Variants in LDLRAD4 observed in about 807,000 individuals in gnomAD.
LDLRAD4 encodes low density lipoprotein receptor class A domain containing 4.
A neutral mutation model predicts 17.0 loss-of-function variants in LDLRAD4; 5 were observed. The ratio of observed to expected loss-of-function variants is 0.29; its 90% CI spans 0.15 to 0.62. The LOEUF is 0.62. Among genes scored for constraint, LDLRAD4 ranks in the 20% least tolerant of loss-of-function variants. The pLI is 0.84. For synonymous variants in LDLRAD4, 168 were observed against 171.8 expected (o/e 0.98, Z 0.17); for missense variants, 340 against 424.7 (o/e 0.80, Z 1.75).
At chr18:13,365,863 T>C (rs1276886242) in intron 1 of LDLRAD4, among the ~76,000 whole-genome samples, 1 of 152,172 alleles carries the variant, frequency 6.6e-6, no homozygotes, top group Non-Finnish European at 1.5e-5. Flanking sequence ...AACCTCCGCC[T>C]CCCAGGTTCA....
chr18:13,443,017 GCTTCT>G (rs1277533537), intron 3 of LDLRAD4, among the ~76,000 whole-genome samples: 1 of 152,130 alleles, frequency 6.6e-6, no homozygotes, highest in Admixed American at 6.5e-5. Flanking sequence ...GGAGGAAGCT[GCTTCT>G]CTCTATATAG....
intron 1 of LDLRAD4, among the ~76,000 whole-genome samples, chr18:13,257,491 C>T (rs1848958776): frequency 6.6e-6 from 1 of 152,204 alleles, no homozygotes; most frequent in Non-Finnish European, 1.5e-5. Context: ...GGATGGGTTT[C>T]CCTGACCCAC....
chr18:13,321,216 G>A (rs7237181), intron 1 of LDLRAD4, among the ~76,000 whole-genome samples: 53,736 of 151,904 alleles, frequency 0.35, 10,036 homozygotes, highest in African/African-American at 0.47. Flanking sequence ...CCTACCCGCC[G>A]TCTGCACACT....
In LDLRAD4 at chr18:13,367,821, G is replaced by C. The variant is rs2084173064; in HGVS notation, c.-382-19520G>C. Among the ~76,000 whole-genome samples the C allele has an allele frequency of 6.6e-6, 1 of 151,850 alleles. No individual in the cohort carries two copies. The highest frequency in any genetic ancestry group is 1.5e-5 in the Non-Finnish European group (1 of 67,954). ...TGCTTTCAGGGGATGTACTGAGAGA[G>C]AGGGGACAGTGGGGTGTGGGGGTGT... On this transcript the variant is annotated intron_variant, in intron 1 of 5. Transcript: ENST00000359446. This position sits in a 1 kb window ranked among gnomAD's most constrained non-coding sequence, Gnocchi z 4.1.
At chr18:13,304,628 C>T (rs1257642796) in intron 1 of LDLRAD4, among the ~76,000 whole-genome samples, 2 of 152,222 alleles carry the variant, frequency 1.3e-5, no homozygotes, top group Non-Finnish European at 2.9e-5. Context: ...CACCGACACA[C>T]GCTTCAATCC....
intron 3 of LDLRAD4, among the ~76,000 whole-genome samples, chr18:13,505,187 T>G (rs1320449166): frequency 6.6e-6 from 1 of 152,214 alleles, no homozygotes; most frequent in Admixed American, 6.5e-5. Flanking sequence ...GAAGCCTCAG[T>G]TAGATTCTCC....
chr18:13,248,698 G>A (rs534254926), intron 1 of LDLRAD4, among the ~76,000 whole-genome samples: 21 of 152,236 alleles, frequency 1.4e-4, no homozygotes, highest in African/African-American at 4.1e-4. Context: ...CATATGTGTC[G>A]TGATCAGATC....
chr18:13,569,848 G>A (rs770573036), intron 3 of LDLRAD4, among the ~76,000 whole-genome samples: 5 of 152,298 alleles, frequency 3.3e-5, no homozygotes, highest in African/African-American at 4.8e-5. Flanking sequence ...TCGTGCCACC[G>A]CACTGCAGCC....
intron 3 of LDLRAD4, among the ~76,000 whole-genome samples, chr18:13,558,938 C>T (rs569157361): frequency 5.9e-5 from 8 of 134,986 alleles, no homozygotes; most frequent in African/African-American, 1.9e-4. Context: ...TGCACTAGGG[C>T]AATCACAGAA....
chr18:13,378,138 A>G (rs1568071448), intron 1 of LDLRAD4, among the ~76,000 whole-genome samples: 1 of 152,172 alleles, frequency 6.6e-6, no homozygotes, highest in African/African-American at 2.4e-5. Flanking sequence ...CTGATCGTTC[A>G]TTTCTGTAGG....
At chr18:13,570,638 TGAG>T (rs1015347972) in intron 3 of LDLRAD4, among the ~76,000 whole-genome samples, 7 of 152,290 alleles carry the variant, frequency 4.6e-5, no homozygotes, top group Non-Finnish European at 1.0e-4. Flanking sequence ...GAGAGGGAAA[TGAG>T]GAGTCCCAGT....
At chr18:13,422,604 G>A (rs534434700) in intron 2 of LDLRAD4, among the ~76,000 whole-genome samples, 29 of 152,048 alleles carry the variant, frequency 1.9e-4, no homozygotes, top group Non-Finnish European at 3.2e-4. Flanking sequence ...AGGCTGAGGC[G>A]GGAGGATGGC....
intron 2 of LDLRAD4, among the ~76,000 whole-genome samples, chr18:13,404,620 A>T (rs1275755588): frequency 6.6e-6 from 1 of 152,042 alleles, no homozygotes; most frequent in Admixed American, 6.5e-5. Flanking sequence ...ACATGGTGAA[A>T]CCCCGTCTCT....
chr18:13,596,953 A>C (rs2095103339), intron 3 of LDLRAD4, among the ~76,000 whole-genome samples: 1 of 152,222 alleles, frequency 6.6e-6, no homozygotes, highest in South Asian at 2.1e-4. Context: ...AATTAAGAGA[A>C]GAAGGAAGAA....
intron 2 of LDLRAD4, among the ~76,000 whole-genome samples, chr18:13,430,284 C>T (rs756980877): frequency 2.2e-4 from 34 of 152,320 alleles, no homozygotes; most frequent in South Asian, 4.1e-4. Context: ...TGTCAGTGGG[C>T]GACGTGGAGC....
intron 3 of LDLRAD4, chr18:13,520,518 C>A (rs187331640): frequency 6.6e-6 from 1 of 152,360 alleles, no homozygotes; most frequent in African/African-American, 2.4e-5. Flanking sequence ...GTGCTCGGGG[C>A]AGCTGTTCTT....
intron 2 of LDLRAD4, among the ~76,000 whole-genome samples, chr18:13,394,484 T>C (rs1760784788): frequency 6.6e-6 from 1 of 152,220 alleles, no homozygotes; most frequent in African/African-American, 2.4e-5. Flanking sequence ...AGCTGTTAAA[T>C]AGCTAAAATA....
chr18:13,290,892 T>C (rs2045927150), intron 1 of LDLRAD4, among the ~76,000 whole-genome samples: 1 of 152,214 alleles, frequency 6.6e-6, no homozygotes, highest in African/African-American at 2.4e-5. Flanking sequence ...TCAACCCCAG[T>C]GAACAGACCC....
Position 13,348,564 on chromosome 18 carries a change from C to T in LDLRAD4, c.-382-38777C>T, listed in dbSNP as rs901960594. On this transcript the variant is annotated intron_variant, in intron 1 of 5. Transcript: ENST00000359446. ...AGTCTGTCCATTCTCAGATCTCAAG[C>T]GGCGTGCTGGGAGAACCACTACTGT... 8.5e-5 allele frequency among the ~76,000 whole-genome samples: 13 copies of T among 152,278 alleles called. No homozygotes were observed. In the South Asian group the frequency reaches 1.0e-3, roughly 12 times the overall value.
Sources: allele counts gnomAD v4.1 joint callset (sites outside exome capture counted in the v4.1 genomes callset), GRCh38; gene constraint gnomAD v4.1.1; non-coding constraint Gnocchi (gnomAD v3.1); transcripts MANE v1.5; gene names NCBI Gene and HGNC (gene_info 2026-07-23, HGNC 2026-07-21).